Variants in DAB1 observed in about 807,000 individuals in gnomAD.
DAB1 encodes the protein disabled homolog 1.
A neutral mutation model predicts 64.6 loss-of-function variants in DAB1; 15 were observed. The ratio of observed to expected loss-of-function variants is 0.23; its 90% confidence interval spans 0.16 to 0.36. DAB1 has a LOEUF of 0.36. DAB1 is among the 10% of genes least tolerant of loss of function. DAB1 has a pLI of 1.00. For missense variants in DAB1, 596 were observed against 706.7 expected (o/e 0.84, Z 1.78); for synonymous variants, 235 against 251.9 (o/e 0.93, Z 0.64).
intron 4 of DAB1, among the ~76,000 whole-genome samples, chr1:58,178,514 A>G (rs1453547401): frequency 6.6e-6 from 1 of 152,180 alleles, no homozygotes; most frequent in Non-Finnish European, 1.5e-5. Flanking sequence ...AAATTGTTAT[A>G]AAGAAGAACT....
At chr1:58,067,463 T>C (rs1201404105) in intron 5 of DAB1, among the ~76,000 whole-genome samples, 18 of 152,220 alleles carry the variant, frequency 1.2e-4, no homozygotes, top group Non-Finnish European at 1.5e-5. Flanking sequence ...TGGTTAAGCA[T>C]TAATGTGTGT....
intron 4 of DAB1, among the ~76,000 whole-genome samples, chr1:57,077,126 A>G (rs1474823060): frequency 6.6e-6 from 1 of 152,194 alleles, no homozygotes; most frequent in East Asian, 1.9e-4. Flanking sequence ...GGTGACCTTG[A>G]ATTGAGGCTC....
intron 1 of DAB1, among the ~76,000 whole-genome samples, chr1:57,343,694 G>C (rs181287397): frequency 6.6e-6 from 1 of 152,138 alleles, no homozygotes; most frequent in Non-Finnish European, 1.5e-5. Context: ...CCGGCCGGCC[G>C]CTCCAAGTGT....
intron 7 of DAB1, among the ~76,000 whole-genome samples, chr1:57,571,535 G>C (rs931682542): frequency 1.3e-5 from 2 of 152,130 alleles, no homozygotes; most frequent in African/African-American, 4.8e-5. Flanking sequence ...TTCAAAATGT[G>C]CTAGTAATTT....
At chr1:57,308,429 C>A (rs1418062473) in intron 1 of DAB1, among the ~76,000 whole-genome samples, 1 of 152,128 alleles carries the variant, frequency 6.6e-6, no homozygotes, top group African/African-American at 2.4e-5. Context: ...ACTGGTATAT[C>A]AAATACTCCT....
chr1:57,480,914 C>A (rs1644010662), intron 7 of DAB1, among the ~76,000 whole-genome samples: 1 of 152,058 alleles, frequency 6.6e-6, no homozygotes, highest in Non-Finnish European at 1.5e-5. Flanking sequence ...AAGCTCACTG[C>A]CTTTCTTTTT....
chr1:57,838,212 C>T (rs1005800202), intron 1 of DAB1, among the ~76,000 whole-genome samples: 2 of 151,666 alleles, frequency 1.3e-5, no homozygotes, highest in Admixed American at 6.6e-5. Context: ...TAAAATGACG[C>T]TTTTCAAAAA....
chr1:57,026,970 C>T (rs573828348), intron 9 of DAB1, among the ~76,000 whole-genome samples: 1 of 152,282 alleles, frequency 6.6e-6, no homozygotes, highest in African/African-American at 2.4e-5. Context: ...TAAGGAAAAA[C>T]CACTTTTCCC....
chr1:57,820,636 G>C (rs543758142), intron 6 of DAB1, among the ~76,000 whole-genome samples: 38 of 152,268 alleles, frequency 2.5e-4, no homozygotes, highest in Non-Finnish European at 1.3e-4. Context: ...TCAGCCAAAA[G>C]GATGGCTAAC....
At chr1:58,048,235 G>A (rs1647371002) in intron 5 of DAB1, 2 of 1,273,434 alleles carry the variant, frequency 1.6e-6, no homozygotes, top group Admixed American at 3.4e-5. Flanking sequence ...AGCCACCTTG[G>A]TTTCACAGTT....
intron 6 of DAB1, among the ~76,000 whole-genome samples, chr1:57,696,950 A>C (rs942794008): frequency 6.6e-6 from 1 of 152,166 alleles, no homozygotes; most frequent in Non-Finnish European, 1.5e-5. Flanking sequence ...GACGAGTAGC[A>C]ATAATAGTCA....
chr1:57,729,366 G>A (rs1190917663), intron 6 of DAB1, among the ~76,000 whole-genome samples: 1 of 152,220 alleles, frequency 6.6e-6, no homozygotes, highest in Non-Finnish European at 1.5e-5. Flanking sequence ...TGAGCCCAGC[G>A]GCAGGTGATG....
intron 3 of DAB1, among the ~76,000 whole-genome samples, chr1:58,479,054 A>T (rs1483266274): frequency 6.6e-6 from 1 of 152,232 alleles, no homozygotes; most frequent in Admixed American, 6.5e-5. Context: ...TATACTATAA[A>T]GATATTATCT....
chr1:57,928,358 C>A (rs1374298025), intron 5 of DAB1, among the ~76,000 whole-genome samples: 2 of 152,048 alleles, frequency 1.3e-5, no homozygotes, highest in Admixed American at 6.6e-5. Flanking sequence ...TTCCCGTATA[C>A]TCTCCACCCC....
At chr1:57,485,322 T>G (rs1644076595) in intron 7 of DAB1, among the ~76,000 whole-genome samples, 1 of 152,130 alleles carries the variant, frequency 6.6e-6, no homozygotes, top group Admixed American at 6.5e-5. Context: ...CCTCTAACAT[T>G]TTTACTAGCA....
At chr1:57,321,062 AAGG>A (rs2100764603) in intron 1 of DAB1, among the ~76,000 whole-genome samples, 1 of 152,304 alleles carries the variant, frequency 6.6e-6, no homozygotes, top group Non-Finnish European at 1.5e-5. Context: ...TGATGAAACG[AAGG>A]TATACAAAGG....
At chr1:58,354,117 T>C (rs1039904757) in intron 3 of DAB1, among the ~76,000 whole-genome samples, 3 of 152,118 alleles carry the variant, frequency 2.0e-5, no homozygotes, top group Non-Finnish European at 4.4e-5. Flanking sequence ...GAAGCAAGCA[T>C]GTAGCTCAGG....
At chr1:57,967,433 A>G (rs995056196) in intron 5 of DAB1, among the ~76,000 whole-genome samples, 1 of 152,186 alleles carries the variant, frequency 6.6e-6, no homozygotes, top group Non-Finnish European at 1.5e-5. Context: ...ACACAGGAGT[A>G]CCTTAACCTA....
intron 6 of DAB1, among the ~76,000 whole-genome samples, chr1:57,757,495 T>G (rs554816426): frequency 6.6e-6 from 1 of 152,090 alleles, no homozygotes; most frequent in Non-Finnish European, 1.5e-5. Context: ...CTGCCAATTT[T>G]GGGCATTTCT....
Sources: allele counts gnomAD v4.1 joint callset (sites outside exome capture counted in the v4.1 genomes callset), GRCh38; gene constraint gnomAD v4.1.1; transcripts MANE v1.5; gene names NCBI Gene and HGNC (gene_info 2026-07-23, HGNC 2026-07-21).